The following RCOR1 variants were observed in gnomAD, a reference collection of about 807,000 sequenced individuals.
RCOR1 encodes the protein REST corepressor 1.
RCOR1 carries 12 observed loss-of-function variants against 64.0 expected under a neutral mutation model. That is an observed-to-expected ratio of 0.19 (90% CI 0.12 to 0.30). The LOEUF is 0.30. RCOR1 is among the 10% of genes least tolerant of loss of function. The pLI is 1.00. For missense variants in RCOR1, 502 were observed against 621.2 expected (o/e 0.81, Z 2.04); for synonymous variants, 279 against 227.2 (o/e 1.23, Z -2.05).
chr14:102,633,080 G>T (rs1401462316), intron 2 of RCOR1, among the ~76,000 whole-genome samples: 1 of 151,862 alleles, frequency 6.6e-6, no homozygotes, highest in African/African-American at 2.4e-5. Flanking sequence ...AAAGTGCTGG[G>T]ATTACAGGCA....
chr14:102,613,074 T>C (rs1595194355), intron 2 of RCOR1, among the ~76,000 whole-genome samples: 2 of 152,094 alleles, frequency 1.3e-5, no homozygotes, highest in East Asian at 1.9e-4. Context: ...GTTTTGTTTT[T>C]TGAGATGGTG....
intron 2 of RCOR1, among the ~76,000 whole-genome samples, chr14:102,654,311 G>T (rs1894677386): frequency 6.6e-6 from 1 of 151,976 alleles, no homozygotes; most frequent in Non-Finnish European, 1.5e-5. Flanking sequence ...AGCAGTGTGA[G>T]AACAGACTAA....
At chr14:102,599,812 T>TG (rs939138350) in intron 2 of RCOR1, among the ~76,000 whole-genome samples, 2 of 151,700 alleles carry the variant, frequency 1.3e-5, no homozygotes, top group African/African-American at 4.8e-5. Flanking sequence ...TGTTTTGTTT[T>TG]TTTTTTTTGA....
chr14:102,652,088 C>T (rs1894605415), intron 2 of RCOR1, among the ~76,000 whole-genome samples: 1 of 152,154 alleles, frequency 6.6e-6, no homozygotes, highest in South Asian at 2.1e-4. Flanking sequence ...AACTGGATTT[C>T]TTAAAAGTGT....
chr14:102,628,773 C>T (rs755167639), intron 2 of RCOR1, among the ~76,000 whole-genome samples: 24 of 152,158 alleles, frequency 1.6e-4, no homozygotes, highest in Non-Finnish European at 2.9e-4. Context: ...AGGCTAGTCT[C>T]GAACTCCTGA....
chr14:102,693,458 A>G (rs532759901), intron 3 of RCOR1, among the ~76,000 whole-genome samples: 5 of 152,324 alleles, frequency 3.3e-5, no homozygotes, highest in Admixed American at 3.3e-4. Flanking sequence ...CTCTTAAATA[A>G]CTTGTTTGTA....
At chr14:102,726,200 G>T (rs957165201) in intron 11 of RCOR1, among the ~76,000 whole-genome samples, 1 of 151,962 alleles carries the variant, frequency 6.6e-6, no homozygotes, top group African/African-American at 2.4e-5. Flanking sequence ...GGAGGCAGGT[G>T]CCTGTAGTTG....
chr14:102,720,835 T>G (rs1288191605), intron 8 of RCOR1, 172 bp from the exon 9 acceptor site: 1 of 491,742 alleles, frequency 2.0e-6, no homozygotes, highest in Admixed American at 4.1e-5. Context: ...AAGCAAATAA[T>G]AAACCTAGTT....
rs974939121 is a variant in RCOR1 at position 102,629,948 on chromosome 14, A to T, written c.361+36623A>T. On this transcript the variant is annotated intron_variant, in intron 2 of 11. Coordinates refer to ENST00000262241, the MANE Select transcript of RCOR1 (RefSeq NM_015156.4). ...AGCTTGAAGTGACTTGACTATTATTACATTATATGTGACCTCCTAGATAAA... is the reference window on the plus strand; with the variant it reads ...AGCTTGAAGTGACTTGACTATTATTTCATTATATGTGACCTCCTAGATAAA... 3 of 951,492 alleles carry T rather than the reference A, an allele frequency of 3.2e-6. No homozygotes were observed. In the African/African-American group the frequency reaches 5.3e-5, roughly 17 times the overall value. 58.9% of individuals were successfully genotyped at this position (951,492 alleles called of 1,614,324 possible).
intron 2 of RCOR1, among the ~76,000 whole-genome samples, chr14:102,638,242 A>T (rs1203018503): frequency 6.6e-6 from 1 of 152,236 alleles, no homozygotes; most frequent in East Asian, 1.9e-4. Context: ...GTGTTTAAAA[A>T]CACCAGATGG....
At chr14:102,662,298 A>T in intron 2 of RCOR1, 1 of 550,916 alleles carries the variant, frequency 1.8e-6, no homozygotes, top group Admixed American at 1.9e-5. Context: ...AGCTAGTTGA[A>T]CGTATGCCTC....
At chr14:102,629,442 TC>T (rs34832312) in intron 2 of RCOR1, among the ~76,000 whole-genome samples, 97,695 of 145,950 alleles carry the variant, frequency 0.67, 32,373 homozygotes, top group South Asian at 0.73. Flanking sequence ...CTTAACAGCC[TC>T]CCCCCCCCCC....
In RCOR1 at chr14:102,718,371, C is replaced by T. The variant is rs569068278; in HGVS notation, c.1054-2636C>T. ...GCTCCTTAGCTGAATTCTGTGTGCC[C>T]GTGCGTTGCGTACTGCTCTTCCTCC... is the stretch of plus-strand genomic sequence containing the variant. On this transcript the variant is annotated intron_variant, in intron 8 of 11. Transcript: ENST00000262241. Among the ~76,000 whole-genome samples the T allele has an allele frequency of 7.9e-5, 12 of 152,262 alleles. No individual in the cohort carries two copies. The East Asian group carries it at 2.1e-3, about 27-fold the overall frequency.
intron 2 of RCOR1, among the ~76,000 whole-genome samples, chr14:102,640,746 A>G (rs1187307950): frequency 6.6e-6 from 1 of 152,168 alleles, no homozygotes; most frequent in Non-Finnish European, 1.5e-5. Context: ...AGACTGAGGT[A>G]GGAGGGACAC....
At position 102,727,281 on chromosome 14, in the gene RCOR1, A is replaced by ACAC. The variant is rs1896286396; in HGVS notation, c.*776_*777insACC. On this transcript the variant is annotated 3_prime_UTR_variant, in exon 12 of 12. Transcript: ENST00000262241. ...GTGGTTGCCACCCCATCTTTTCCTG[A>ACAC]CCCCCCCCACCCCCCCACCTCCAAG... The ACAC allele has an allele frequency of 8.5e-6, 1 of 118,172 alleles. No individual in the cohort carries two copies. Among genetic ancestry groups the ACAC allele is most frequent in the Non-Finnish European group, 1.8e-5 (1 of 56,726 alleles). 7.3% of individuals were successfully genotyped at this position (118,172 alleles called of 1,614,324 possible).
chr14:102,605,486 C>A (rs1272105231), intron 2 of RCOR1, among the ~76,000 whole-genome samples: 4 of 152,138 alleles, frequency 2.6e-5, no homozygotes, highest in Non-Finnish European at 4.4e-5. Context: ...TAAAAAATTT[C>A]TGTCGCCTAG....
intron 3 of RCOR1, among the ~76,000 whole-genome samples, chr14:102,688,915 A>G (rs1227284451): frequency 6.6e-6 from 1 of 152,074 alleles, no homozygotes; most frequent in African/African-American, 2.4e-5. Flanking sequence ...TGGGGACTCC[A>G]TCCTCATTCC....
chr14:102,718,791 C>A (rs1210436381), intron 8 of RCOR1, among the ~76,000 whole-genome samples: 1 of 151,650 alleles, frequency 6.6e-6, no homozygotes, highest in Non-Finnish European at 1.5e-5. Flanking sequence ...GGGAAGGGGG[C>A]GTATTTTGTT....
chr14:102,727,570 C>T lies in RCOR1; in HGVS notation c.*1064C>T, dbSNP rs549012282. The T allele has an allele frequency of 2.3e-4, 35 of 152,234 alleles. No homozygotes were observed. Among genetic ancestry groups the T allele is most frequent in the African/African-American group, 7.7e-4 (32 of 41,482 alleles). The allele number at this position is 152,234 out of a possible 1,614,324, so 9.4% of individuals were successfully genotyped here. A position where few individuals can be genotyped will look rare whatever the true frequency, so the allele number is the denominator to read the frequency against. ...AGCTGCGCGTTGTTCCGCGTTCTCT[C>T]GGTGTGCCTGGCCTTTTATGTGGCA... On this transcript the variant is annotated 3_prime_UTR_variant, in exon 12 of 12. Transcript: ENST00000262241.
Sources: allele counts gnomAD v4.1 joint callset (sites outside exome capture counted in the v4.1 genomes callset), GRCh38; gene constraint gnomAD v4.1.1; transcripts MANE v1.5; gene names NCBI Gene and HGNC (gene_info 2026-07-23, HGNC 2026-07-21).